EPS8: variants seen among roughly 807,000 people sequenced by gnomAD.
EPS8 encodes EGFR pathway substrate 8, signaling adaptor.
A neutral mutation model predicts 103.8 loss-of-function variants in EPS8; 42 were observed. That is an observed-to-expected ratio of 0.40 (90% confidence interval 0.32 to 0.52). The LOEUF is 0.52. EPS8 is among the 20% of genes least tolerant of loss of function. The probability of loss-of-function intolerance (pLI) is 0.40; values close to 1 mark genes in which losing one functional copy is unlikely to be tolerated. For missense variants in EPS8, 969 were observed against 1,005.1 expected, an observed-to-expected ratio of 0.96 and a Z score of 0.49; for synonymous variants, 344 against 344.6, an observed-to-expected ratio of 1.00 and a Z score of 0.02.
At position 15,721,810 on chromosome 12, in the gene EPS8, ATATAT is replaced by A. The variant is rs1946598817; in HGVS notation, c.-21-38843_-21-38839del. Among the ~76,000 whole-genome samples the A allele has an allele frequency of 6.6e-6, 1 of 151,694 alleles. No individual in the cohort carries two copies. Among genetic ancestry groups the A allele is most frequent in the African/African-American group, 2.4e-5 (1 of 41,412 alleles). The stretch of plus-strand genomic sequence containing the variant: ...TATCAGACTTTTTAAAATTTTTATT[ATATAT>A]TATAAATATTATTTCTGATCATAAA... On this transcript the variant is annotated intron_variant, in intron 1 of 20. Coordinates refer to ENST00000281172, the MANE Select transcript of EPS8 (RefSeq NM_004447.6). This position sits in a 1 kb window ranked among gnomAD's most constrained non-coding sequence, Gnocchi z 4.4.
rs2136020563 is a variant in EPS8, at chr12:15,752,784, T to C, written c.-22+36377A>G. Among the ~76,000 whole-genome samples, 1 of 152,244 alleles carries C rather than the reference T, an allele frequency of 6.6e-6. No individual in the cohort carries two copies. Among genetic ancestry groups the C allele is most frequent in the East Asian group, 1.9e-4 (1 of 5,194 alleles). On this transcript the variant is annotated intron_variant, in intron 1 of 20. Coordinates refer to ENST00000281172, the MANE Select transcript of EPS8 (RefSeq NM_004447.6). The surrounding 1 kb of genome is among the most constrained non-coding windows in gnomAD (Gnocchi z 4.4). ...GGAAAATTAATTGTAATAACAGTAA[T>C]AATTGTAATGCCTCTTTATATTTAT...
chr12:15,665,969 T>A, intron 7 of EPS8, 77 bp from the exon 8 acceptor site: 2 of 1,425,982 alleles, frequency 1.4e-6, no homozygotes, highest in African/African-American at 1.4e-5. Context: ...CTTGTGGTAC[T>A]AGTTATTAAA....
At chr12:15,665,701 C>G (rs1945695442) in intron 8 of EPS8, 55 bp downstream of exon 8, 2 of 1,595,456 alleles carry the variant, frequency 1.3e-6, no homozygotes, top group African/African-American at 1.3e-5. Context: ...AAAGCAAGAA[C>G]TATGTCCCAA....
In EPS8 at chr12:15,702,139, C is replaced by T. The variant is rs1421635248; in HGVS notation, c.-21-19167G>A. ...TTATTAGGAGGCAGTATAAGAAGAA[C>T]AAATTTATTCCAAAAGGGCAAAGTG... On this transcript the variant is annotated intron_variant, in intron 1 of 20. Coordinates refer to ENST00000281172, the MANE Select transcript of EPS8 (RefSeq NM_004447.6). This position sits in a 1 kb window ranked among gnomAD's most constrained non-coding sequence, Gnocchi z 5.1. 6.6e-6 allele frequency among the ~76,000 whole-genome samples: 1 copy of T among 152,142 alleles called. No homozygotes were observed. The highest frequency in any genetic ancestry group is 1.5e-5 in the Non-Finnish European group (1 of 68,016).
In EPS8 at chr12:15,682,906, G is replaced by A; in HGVS notation, c.46C>T (p.Pro16Ser). ...SNHPSSFGMY[P>S]SQMNGYGSSP... ...TTTTCAACTTACTTCATCTGAGATG[G>A]GTACATTCCAAAACTACTGGGATGA... is the stretch of plus-strand genomic sequence containing the variant. The change falls in exon 2 of 21, where the codon CCA becomes TCA. Residue 16 changes from proline (P) to serine (S), a missense_variant. Pro to Ser is a moderately conservative substitution (Grantham distance 74). Coordinates refer to ENST00000281172, the MANE Select transcript of EPS8 (RefSeq NM_004447.6). 1 of 1,543,566 alleles carries A rather than the reference G, an allele frequency of 6.5e-7. No homozygotes were observed. Among genetic ancestry groups the A allele is most frequent in the Non-Finnish European group, 8.9e-7 (1 of 1,125,110 alleles).
intron 1 of EPS8, among the ~76,000 whole-genome samples, chr12:15,758,129 C>T (rs547565844): frequency 1.3e-4 from 20 of 152,326 alleles, no homozygotes; most frequent in Admixed American, 9.1e-4. Flanking sequence ...CATAGCATGA[C>T]TTCTACCTTA....
At chr12:15,677,834 C>T (rs1440333743) in intron 3 of EPS8, among the ~76,000 whole-genome samples, 2 of 152,012 alleles carry the variant, frequency 1.3e-5, no homozygotes, top group African/African-American at 4.8e-5. Context: ...TCAGAAAATG[C>T]CTGTGGAATG....
chr12:15,768,869 C>T (rs142223704), intron 1 of EPS8, among the ~76,000 whole-genome samples: 1 of 152,300 alleles, frequency 6.6e-6, no homozygotes, highest in Non-Finnish European at 1.5e-5. Context: ...CAGGTTTACA[C>T]ACCTTTTGAT....
Position 15,704,998 on chromosome 12 carries a change from T to C in EPS8, c.-21-22026A>G, listed in dbSNP as rs1434952216. Among the ~76,000 whole-genome samples the C allele has an allele frequency of 6.6e-6, 1 of 152,180 alleles. No homozygotes were observed. Among genetic ancestry groups the C allele is most frequent in the Non-Finnish European group, 1.5e-5 (1 of 68,014 alleles). The stretch of plus-strand genomic sequence containing the variant: ...TACATGTGTGTATATTTTTTAAAAT[T>C]TGAAGTAGGTTAACATTGTATTCTA... On this transcript the variant is annotated intron_variant, in intron 1 of 20. Coordinates refer to ENST00000281172, the MANE Select transcript of EPS8 (RefSeq NM_004447.6). This position sits in a 1 kb window ranked among gnomAD's most constrained non-coding sequence, Gnocchi z 4.6.
rs1258389242 is a variant in EPS8, at chr12:15,697,248, T to C, written c.-21-14276A>G. Among the ~76,000 whole-genome samples, 2 of 152,232 alleles carry C rather than the reference T, an allele frequency of 1.3e-5. No individual in the cohort carries two copies. Among genetic ancestry groups the C allele is most frequent in the Non-Finnish European group, 2.9e-5 (2 of 68,034 alleles). Reference sequence around the variant, plus strand: ...CCCCCAAATTAACTCCAGCTCTTGATTAAATAAACTGGATATCACTTACAT... The same window carrying C: ...CCCCCAAATTAACTCCAGCTCTTGACTAAATAAACTGGATATCACTTACAT... On this transcript the variant is annotated intron_variant, in intron 1 of 20. Coordinates refer to ENST00000281172, the MANE Select transcript of EPS8 (RefSeq NM_004447.6). This position sits in a 1 kb window ranked among gnomAD's most constrained non-coding sequence, Gnocchi z 5.6.
chr12:15,680,232 T>C (rs1216794109), intron 3 of EPS8, among the ~76,000 whole-genome samples: 1 of 152,170 alleles, frequency 6.6e-6, no homozygotes, highest in Non-Finnish European at 1.5e-5. Flanking sequence ...AACCTTAGAA[T>C]TGTTTATTCT....
rs117744321 is a variant in EPS8 at position 15,710,408 on chromosome 12, T to G, written c.-21-27436A>C. Among the ~76,000 whole-genome samples the G allele has an allele frequency of 1.2e-3, 186 of 152,326 alleles. 7 individuals are homozygous for G. In the East Asian group the frequency reaches 0.034, roughly 28 times the overall value. ...ACAAATGTTCCTAAAACCAAGCTCT[T>G]GAACAAATGTTGATACAAAATCTAA... On this transcript the variant is annotated intron_variant, in intron 1 of 20. Coordinates refer to ENST00000281172, the MANE Select transcript of EPS8 (RefSeq NM_004447.6).
chr12:15,740,318 T>G (rs1200255409), intron 1 of EPS8, among the ~76,000 whole-genome samples: 3 of 151,930 alleles, frequency 2.0e-5, no homozygotes, highest in African/African-American at 7.2e-5. Flanking sequence ...AGGCTGAGGC[T>G]GGCAGATCAT....
rs1009187362 is a variant in EPS8, at chr12:15,725,720, G to C, written c.-21-42748C>G. Among the ~76,000 whole-genome samples, 8 of 152,176 alleles carry C rather than the reference G, an allele frequency of 5.3e-5. No homozygotes were observed. The highest frequency in any genetic ancestry group is 1.0e-4 in the Non-Finnish European group (7 of 67,992). On this transcript the variant is annotated intron_variant, in intron 1 of 20. Coordinates refer to ENST00000281172, the MANE Select transcript of EPS8 (RefSeq NM_004447.6). This position sits in a 1 kb window ranked among gnomAD's most constrained non-coding sequence, Gnocchi z 4.5. ...CCTGACTCATCATCATCAAATAACA[G>C]AGAAATGAACAAAAAGATGGAAAAA...
At chr12:15,743,332 A>C (rs1379276870) in intron 1 of EPS8, among the ~76,000 whole-genome samples, 1 of 151,894 alleles carries the variant, frequency 6.6e-6, no homozygotes, top group Non-Finnish European at 1.5e-5. Flanking sequence ...AAATGGCCAT[A>C]CTGCCCAAGG....
chr12:15,737,188 T>C (rs540622513), intron 1 of EPS8, among the ~76,000 whole-genome samples: 1 of 152,206 alleles, frequency 6.6e-6, no homozygotes, highest in South Asian at 2.1e-4. Context: ...TAAATATCAA[T>C]AAATTGTAAT....
At chr12:15,753,439 C>T (rs1565530805) in intron 1 of EPS8, among the ~76,000 whole-genome samples, 3 of 152,060 alleles carry the variant, frequency 2.0e-5, no homozygotes, top group Non-Finnish European at 2.9e-5. Context: ...CTGGACAAAT[C>T]GTAAGACCTG....
intron 3 of EPS8, among the ~76,000 whole-genome samples, chr12:15,675,179 T>C (rs1341503251): frequency 1.3e-5 from 2 of 152,326 alleles, no homozygotes; most frequent in Non-Finnish European, 2.9e-5. Context: ...AAATTCACCA[T>C]GCAGTTTATA....
chr12:15,719,671 G>A (rs1946573478), intron 1 of EPS8, among the ~76,000 whole-genome samples: 1 of 152,194 alleles, frequency 6.6e-6, no homozygotes, highest in African/African-American at 2.4e-5. Context: ...GAATTTAGCT[G>A]GGGCCTTTGG....
Sources: allele counts gnomAD v4.1 joint callset (sites outside exome capture counted in the v4.1 genomes callset), GRCh38; gene constraint gnomAD v4.1.1; non-coding constraint Gnocchi (gnomAD v3.1); transcripts MANE v1.5; gene names NCBI Gene and HGNC (gene_info 2026-07-23, HGNC 2026-07-21).